CLEC7A: variants seen among roughly 807,000 people sequenced by gnomAD.
The protein encoded by CLEC7A is C-type lectin domain containing 7A, also known as C-type lectin domain family 7 member A.
CLEC7A carries 25 observed loss-of-function variants against 26.9 expected under a neutral mutation model. That is an observed-to-expected ratio of 0.93 (90% confidence interval 0.68 to 1.30). CLEC7A has a LOEUF of 1.30. CLEC7A is among the 50% of genes most tolerant of loss of function. The probability of loss-of-function intolerance (pLI) is 0.00; values close to 1 mark genes in which losing one functional copy is unlikely to be tolerated. For missense variants in CLEC7A, 275 were observed against 286.7 expected (o/e 0.96, Z 0.29); for synonymous variants, 100 against 99.5 (o/e 1.01, Z -0.03).
intron 5 of CLEC7A, among the ~76,000 whole-genome samples, chr12:10,120,203 A>G (rs1030252416): frequency 6.6e-5 from 10 of 152,208 alleles, no homozygotes; most frequent in Non-Finnish European, 2.9e-5. Flanking sequence ...GATGGTGTCA[A>G]TGGGTCTGTA....
At position 10,121,311 on chromosome 12, in the gene CLEC7A, G is replaced by A. The variant is rs112986714; in HGVS notation, c.611+1934C>T. On this transcript the variant is annotated intron_variant, in intron 5 of 5. Transcript: ENST00000304084. ...ACAGAATAAGAAAAAGTGTTAAATC[G>A]TCCAAAAAGGAGGAAAGAAAGGGGA... Among the ~76,000 whole-genome samples, 19 of 151,436 alleles carry A rather than the reference G, an allele frequency of 1.3e-4. No individual in the cohort carries two copies. The East Asian group carries it at 2.9e-3, about 23-fold the overall frequency.
chr12:10,118,396 T>C lies in CLEC7A; in HGVS notation c.*62A>G. ...CTTGACCTCAGCTGTTACTCTTTTC[T>C]GTTCTGTTTTCTGTCCTCCTTACTA... On this transcript the variant is annotated 3_prime_UTR_variant, in exon 6 of 6. Coordinates refer to ENST00000304084, the MANE Select transcript of CLEC7A (RefSeq NM_197947.3). The C allele has an allele frequency of 6.8e-7, 1 of 1,475,332 alleles. No individual in the cohort carries two copies. The highest frequency in any genetic ancestry group is 1.2e-5 in the South Asian group (1 of 85,798). 91.4% of individuals were successfully genotyped at this position (1,475,332 alleles called of 1,614,324 possible).
intron 3 of CLEC7A, 132 bp from the exon 4 acceptor site, chr12:10,125,580 G>C (rs1317063668): frequency 3.1e-6 from 2 of 641,374 alleles, no homozygotes; most frequent in African/African-American, 3.7e-5. Flanking sequence ...TTGTCAATTC[G>C]AACTACAGGG....
intron 2 of CLEC7A, chr12:10,127,528 A>G (rs1948332521): frequency 2.3e-6 from 3 of 1,300,882 alleles, no homozygotes; most frequent in Non-Finnish European, 3.3e-6. Flanking sequence ...TGGTCCCACC[A>G]CTAACTAGCT....
At chr12:10,127,711 A>G in intron 2 of CLEC7A, 36 bp downstream of exon 2, 2 of 1,370,266 alleles carry the variant, frequency 1.5e-6, no homozygotes, top group South Asian at 1.2e-5. Flanking sequence ...TGCTTACTAA[A>G]TTGTCTGTTG....
rs763991603 is a variant in CLEC7A, at chr12:10,118,449, C to T, written c.*9G>A. The T allele has an allele frequency of 6.9e-6, 11 of 1,605,116 alleles. No individual in the cohort carries two copies. The South Asian group carries it at 1.2e-4, about 18-fold the overall frequency. ...TCACATATTTCTCTCTCCTTCTCCA[C>T]CCTTCCTCTTACATTGAAAACTTCT... is the stretch of plus-strand genomic sequence containing the variant. On this transcript the variant is annotated 3_prime_UTR_variant, in exon 6 of 6. Transcript: ENST00000304084.
At chr12:10,129,067 A>G (rs991624609) in intron 1 of CLEC7A, among the ~76,000 whole-genome samples, 7 of 152,228 alleles carry the variant, frequency 4.6e-5, no homozygotes, top group African/African-American at 9.6e-5. Context: ...CACCCATTCT[A>G]TGAATACAGA....
At chr12:10,122,751 A>C (rs774787802) in intron 5 of CLEC7A, among the ~76,000 whole-genome samples, 2 of 152,024 alleles carry the variant, frequency 1.3e-5, no homozygotes, top group Non-Finnish European at 2.9e-5. Context: ...TGGGCCTCCC[A>C]AAGTGCTGGG....
intron 5 of CLEC7A, among the ~76,000 whole-genome samples, chr12:10,120,093 A>T (rs1445818136): frequency 6.8e-6 from 1 of 147,962 alleles, no homozygotes; most frequent in Non-Finnish European, 1.5e-5. Context: ...CAGATGAGAA[A>T]AAATAGATGA....
At chr12:10,129,738 C>A (rs1050921363) in intron 1 of CLEC7A, among the ~76,000 whole-genome samples, 1 of 152,164 alleles carries the variant, frequency 6.6e-6, no homozygotes, top group African/African-American at 2.4e-5. Flanking sequence ...CTGCCTCAGC[C>A]TCCCAAGTAC....
intron 1 of CLEC7A, among the ~76,000 whole-genome samples, chr12:10,128,159 G>A (rs958743176): frequency 6.6e-6 from 1 of 151,340 alleles, no homozygotes; most frequent in African/African-American, 2.4e-5. Flanking sequence ...GATCACTTGA[G>A]CCTAGGAATT....
At position 10,126,914 on chromosome 12, in the gene CLEC7A, TAAA is replaced by T. The variant is rs5796381; in HGVS notation, c.203-209_203-207del. The T allele has an allele frequency of 7.8e-4, 398 of 508,990 alleles. 5 individuals carry two copies. Among genetic ancestry groups the T allele is most frequent in the African/African-American group, 6.7e-3 (304 of 45,350 alleles). The allele number at this position is 508,990 out of a possible 1,614,324, so 31.5% of individuals were successfully genotyped here. A position where few individuals can be genotyped will look rare whatever the true frequency, so the allele number is the denominator to read the frequency against. On this transcript the variant is annotated intron_variant, in intron 2 of 5. Transcript: ENST00000304084. Reference sequence around the variant, plus strand: ...CATAACTTTTATAAAGGAGGTATAGTAAAAAAAAAAAAAGAAAAGAAAAAAGAA... The same window carrying T: ...CATAACTTTTATAAAGGAGGTATAGTAAAAAAAAAAGAAAAGAAAAAAGAA...
At chr12:10,126,432 A>C (rs1185759824) in intron 3 of CLEC7A, 139 bp downstream of exon 3, 2 of 1,423,170 alleles carry the variant, frequency 1.4e-6, no homozygotes, top group African/African-American at 2.9e-5. Context: ...CATTACACTA[A>C]GGTAATACTA....
intron 2 of CLEC7A, chr12:10,126,973 C>T: frequency 8.7e-7 from 1 of 1,150,204 alleles, no homozygotes; most frequent in Admixed American, 3.3e-5. Context: ...ATGAGGGAGG[C>T]AGCAAGAGGC....
chr12:10,123,392 TAAA>T, intron 4 of CLEC7A, 29 bp from the exon 5 acceptor site: 16 of 1,179,432 alleles, frequency 1.4e-5, no homozygotes, highest in Non-Finnish European at 2.0e-5. Flanking sequence ...AAATATATAA[TAAA>T]GAGAGAGAGA....
chr12:10,118,334 C>T lies in CLEC7A; in HGVS notation c.*124G>A, dbSNP rs968291404. ...CCCTTCAATTTCTTGGTTAAGATTA[C>T]AGTTGGCCAAGCTCTCTAAACATTT... On this transcript the variant is annotated 3_prime_UTR_variant, in exon 6 of 6. Transcript: ENST00000304084. 1.1e-6 allele frequency: 1 copy of T among 874,782 alleles called. No individual in the cohort carries two copies. Among genetic ancestry groups the T allele is most frequent in the Non-Finnish European group, 1.8e-6 (1 of 566,054 alleles). 54.2% of individuals were successfully genotyped at this position (874,782 alleles called of 1,614,324 possible).
intron 4 of CLEC7A, 98 bp from the exon 5 acceptor site, chr12:10,123,461 A>T (rs901849019): frequency 1.2e-6 from 1 of 846,248 alleles, no homozygotes; most frequent in Non-Finnish European, 1.9e-6. Context: ...TGATTGAATC[A>T]CTTTGGTAAA....
At chr12:10,125,180 CAAAA>C (rs10717980) in intron 4 of CLEC7A, 113 bp downstream of exon 4, 5,332 of 590,556 alleles carry the variant, frequency 9.0e-3, no homozygotes, top group East Asian at 0.011. Flanking sequence ...GACTCTGCCT[CAAAA>C]AAAAAAAAAA....
Position 10,123,247 on chromosome 12 carries a change from G to C in CLEC7A, c.609C>G (p.Asn203Lys), listed in dbSNP as rs2137429402. The change falls in exon 5 of 6, where the codon AAC becomes AAG. Residue 203 changes from asparagine to lysine, a missense_variant and splice_region_variant. By Grantham distance (94) the Asn-to-Lys change is moderately conservative. Coordinates refer to ENST00000304084, the MANE Select transcript of CLEC7A (RefSeq NM_197947.3). ...LWEDGSTFSS[N>K]LFQIRTTATQ... is the part of the protein sequence containing the mutation. ...GCATTGTCTCTCCAAACACTTACAA[G>C]TTAGAAGAGAATGTTGATCCATCCT... is the stretch of plus-strand genomic sequence containing the variant. 1.3e-6 allele frequency: 2 copies of C among 1,580,582 alleles called. No homozygotes were observed. Among genetic ancestry groups the C allele is most frequent in the Non-Finnish European group, 1.7e-6 (2 of 1,149,514 alleles).
Sources: allele counts gnomAD v4.1 joint callset (sites outside exome capture counted in the v4.1 genomes callset), GRCh38; gene constraint gnomAD v4.1.1; transcripts MANE v1.5; gene names NCBI Gene and HGNC (gene_info 2026-07-23, HGNC 2026-07-21).